PKD1: variants seen among roughly 807,000 people sequenced by gnomAD.
The protein encoded by PKD1 is polycystin 1, transient receptor potential channel interacting.
Under a neutral mutation model 361.7 loss-of-function variants are expected in PKD1, and 81 were observed. That is an observed-to-expected ratio of 0.22 (90% CI 0.19 to 0.27). The LOEUF is 0.27. Ranked by LOEUF, PKD1 falls within the 10% of genes least tolerant of loss-of-function variation. The pLI, the probability that PKD1 is intolerant of heterozygous loss-of-function variation, is 1.00. For missense variants in PKD1, 6,399 were observed against 6,118.3 expected (o/e 1.05, Z -1.53); for synonymous variants, 3,615 against 2,818.3 (o/e 1.28, Z -8.95).
intron 30 of PKD1, among the ~76,000 whole-genome samples, chr16:2,098,358 G>C (rs1474190829): frequency 6.6e-6 from 1 of 152,066 alleles, no homozygotes; most frequent in Non-Finnish European, 1.5e-5. Context: ...ACAGGTGCCT[G>C]CCACCATGCC....
Position 2,102,128 on chromosome 16 carries a change from A to G in PKD1, c.9330T>C (p.Pro3110=), listed in dbSNP as rs12926160. Reference sequence around the variant, plus strand: ...TGAAGCGGCCCCGCTGCCCACAGAAAGGGATGGCGCGGCCCCGGCTGGCAT... The same window carrying G: ...TGAAGCGGCCCCGCTGCCCACAGAAGGGGATGGCGCGGCCCCGGCTGGCAT... The part of the protein sequence containing the change: ...QLDASRGRAI[P]FCGQRGRFKY... Residue 3110 remains proline (P), a synonymous_variant, in exon 26 of 46, where the codon CCT becomes CCC. Transcript: ENST00000262304. 103,933 of 1,536,054 alleles carry G rather than the reference A, an allele frequency of 0.068. 13,168 individuals are homozygous for G. The highest frequency in any genetic ancestry group is 0.38 in the African/African-American group (24,677 of 64,734).
At chr16:2,122,969 A>T (rs1340770102) in intron 1 of PKD1, among the ~76,000 whole-genome samples, 1 of 152,114 alleles carries the variant, frequency 6.6e-6, no homozygotes, top group Non-Finnish European at 1.5e-5. Flanking sequence ...GCCACACCTC[A>T]TTTTCTGGAA....
chr16:2,107,597 T>G (rs938749216), intron 16 of PKD1: 5 of 521,456 alleles, frequency 9.6e-6, no homozygotes, highest in Non-Finnish European at 1.8e-5. Flanking sequence ...CTGGGGACAG[T>G]GGCTACCTCT....
rs773840606 is a variant in PKD1, at chr16:2,111,408, C to A, written c.3759G>T (p.Leu1253=). 28 of 1,611,792 alleles carry A rather than the reference C, an allele frequency of 1.7e-5. No individual in the cohort carries two copies. The South Asian group carries it at 2.6e-4, about 15-fold the overall frequency. The change falls in exon 15 of 46, where the codon CTG becomes CTT. Residue 1253 remains leucine (L), a synonymous_variant. Transcript: ENST00000262304. ...WTFDMGDGTV[L]SGPEATVEHV... ...GCTCCACTGTTGCCTCCGGGCCCGA[C>A]AGCACGGTGCCGTCCCCCATGTCGA... is the stretch of plus-strand genomic sequence containing the variant.
Position 2,090,681 on chromosome 16 carries a change from G to C in PKD1, c.12131C>G (p.Ala4044Gly). The C allele has an allele frequency of 6.2e-7, 1 of 1,612,118 alleles. No homozygotes were observed. The highest frequency in any genetic ancestry group is 8.5e-7 in the Non-Finnish European group (1 of 1,179,926). ...GGCCGCGCAGTCACCTACCAGGATG[G>C]CCAGCTGGGCGTAGGCTACCCCGAG... ...VVLGVAYAQL[A>G]ILLVSSCVDS... is the part of the protein sequence containing the mutation. The change falls in exon 44 of 46, where the codon GCC (alanine) becomes GGC (glycine). Residue 4044 changes from alanine (A) to glycine (G), a missense_variant. By Grantham distance (60) the Ala-to-Gly change is moderately conservative (BLOSUM62 0). Transcript: ENST00000262304.
In PKD1 at chr16:2,103,780, G is replaced by A. The variant is rs778272852; in HGVS notation, c.8277C>T (p.Leu2759=). 9 of 1,609,816 alleles carry A rather than the reference G, an allele frequency of 5.6e-6. No individual in the cohort carries two copies. The highest frequency in any genetic ancestry group is 4.5e-5 in the East Asian group (2 of 44,696). Residue 2759 remains leucine, a synonymous_variant, in exon 23 of 46, where the codon CTC becomes CTT. Coordinates refer to ENST00000262304, the MANE Select transcript of PKD1 (RefSeq NM_001009944.3). ...CGCGGGAGCGCATGAGGATGCGCAT[G>A]AGGGCAGAGGTCAGGTTGTAGGCCT... The part of the protein sequence containing the change: ...ASQAYNLTSA[L]MRILMRSRVL...
rs550355361 is a variant in PKD1 at position 2,089,506 on chromosome 16, T to G, written c.*221A>C. ...GAGGCTAGAAACCGTCCAATACTGC[T>G]GTGTCCTTCCCAAGGGAGCTGGGGA... is the stretch of plus-strand genomic sequence containing the variant. On this transcript the variant is annotated 3_prime_UTR_variant, in exon 46 of 46. Coordinates refer to ENST00000262304, the MANE Select transcript of PKD1 (RefSeq NM_001009944.3). 3 of 603,790 alleles carry G rather than the reference T, an allele frequency of 5.0e-6. No homozygotes were observed. In the African/African-American group the frequency reaches 5.5e-5, roughly 11 times the overall value. The allele number at this position is 603,790 out of a possible 1,614,324, so 37.4% of individuals were successfully genotyped here.
chr16:2,134,307 C>T (rs2092924048), intron 1 of PKD1, among the ~76,000 whole-genome samples: 1 of 119,882 alleles, frequency 8.3e-6, no homozygotes, highest in South Asian at 2.7e-4. Context: ...ACACGGCTCC[C>T]CTAAGGAAGG....
At position 2,106,687 on chromosome 16, in the gene PKD1, GA is replaced by G. The variant is rs2092348214; in HGVS notation, c.7210-11del. Reference sequence around the variant, plus strand: ...TACGTGCAGCCCACCGCTGCAGGCAGAAGGGGTGGTGAGGGGGCGCAACCCT... The same window carrying G: ...TACGTGCAGCCCACCGCTGCAGGCAGAGGGGTGGTGAGGGGGCGCAACCCT... On this transcript the variant is annotated splice_polypyrimidine_tract_variant and intron_variant, in intron 17 of 45. Coordinates refer to ENST00000262304, the MANE Select transcript of PKD1 (RefSeq NM_001009944.3). The surrounding 1 kb of genome is among the most constrained non-coding windows in gnomAD (Gnocchi z 6.5). The G allele has an allele frequency of 3.1e-6, 5 of 1,592,726 alleles. No homozygotes were observed. Among genetic ancestry groups the G allele is most frequent in the Non-Finnish European group, 3.4e-6 (4 of 1,176,912 alleles).
chr16:2,111,920 C>A (rs759821981), intron 14 of PKD1, 49 bp from the exon 15 acceptor site: 57 of 1,599,346 alleles, frequency 3.6e-5, no homozygotes, highest in Non-Finnish European at 4.7e-5. Context: ...CCACCTGCTC[C>A]CCACCCGCTC....
rs534695798 is a variant in PKD1 at position 2,109,837 on chromosome 16, T to G, written c.5330A>C (p.His1777Pro). 3.1e-6 allele frequency: 5 copies of G among 1,610,644 alleles called. No individual in the cohort carries two copies. Among genetic ancestry groups the G allele is most frequent in the Non-Finnish European group, 2.5e-6 (3 of 1,179,830 alleles). The stretch of plus-strand genomic sequence containing the variant: ...GTTCCCTGCCGTCATGGTGACCAAG[T>G]GCAGGCCGGGTGTGGGGAAGCTATG... ...TTHSFPTPGL[H>P]LVTMTAGNPL... is the part of the protein sequence containing the mutation. Residue 1777 changes from histidine (H) to proline (P), a missense_variant, in exon 15 of 46, where the codon CAC becomes CCC. Coordinates refer to ENST00000262304, the MANE Select transcript of PKD1 (RefSeq NM_001009944.3).
At position 2,108,408 on chromosome 16, in the gene PKD1, G is replaced by T. The variant is rs146131839; in HGVS notation, c.6759C>A (p.Pro2253=). 348 of 1,610,420 alleles carry T rather than the reference G, an allele frequency of 2.2e-4. 2 individuals are homozygous for T. The East Asian group carries it at 7.5e-3, about 35-fold the overall frequency. The change falls in exon 15 of 46, where the codon CCC becomes CCA. Residue 2253 remains proline, a synonymous_variant. Coordinates refer to ENST00000262304, the MANE Select transcript of PKD1 (RefSeq NM_001009944.3). ...QSIQANVTVA[P]ERLVPIIEGG... is the part of the protein sequence containing the mutation. ...CCTCAATGATGGGCACCAGGCGCTCGGGGGCCACCGTCACATTGGCCTGGA... is the reference window on the plus strand; with the variant it reads ...CCTCAATGATGGGCACCAGGCGCTCTGGGGCCACCGTCACATTGGCCTGGA...
chr16:2,093,808 C>A lies in PKD1; in HGVS notation c.10821+3G>T. On this transcript the variant is annotated splice_donor_region_variant and intron_variant, in intron 36 of 45. Coordinates refer to ENST00000262304, the MANE Select transcript of PKD1 (RefSeq NM_001009944.3). ...TGTAGCCTACCCCTGGCAGCCCCCTCACCTTCAGTGGCTCCCAGCCGAGGA... is the reference window on the plus strand; with the variant it reads ...TGTAGCCTACCCCTGGCAGCCCCCTAACCTTCAGTGGCTCCCAGCCGAGGA... The A allele has an allele frequency of 6.4e-7, 1 of 1,554,788 alleles. No homozygotes were observed. The highest frequency in any genetic ancestry group is 1.2e-5 in the South Asian group (1 of 85,664).
intron 16 of PKD1, 35 bp downstream of exon 16, chr16:2,107,848 C>G (rs568052047): frequency 1.3e-6 from 2 of 1,537,674 alleles, no homozygotes; most frequent in Non-Finnish European, 8.8e-7. Flanking sequence ...GCTGGGCTGT[C>G]CAAGGCAAGT....
Position 2,093,034 on chromosome 16 carries a change from G to A in PKD1, c.11076C>T (p.Ala3692=), listed in dbSNP as rs1371199692. The A allele has an allele frequency of 4.3e-6, 7 of 1,612,830 alleles. No individual in the cohort carries two copies. The highest frequency in any genetic ancestry group is 5.1e-6 in the Non-Finnish European group (6 of 1,179,996). The part of the protein sequence containing the change: ...LVTLLASYGD[A]SCHGHAYRLQ... ...GACGGTAGGCGTGCCCATGGCATGA[G>A]GCATCCCCATAGCTGGCCAGCAGGG... Residue 3692 remains alanine, a synonymous_variant, in exon 38 of 46, where the codon GCC becomes GCT. Coordinates refer to ENST00000262304, the MANE Select transcript of PKD1 (RefSeq NM_001009944.3).
rs963058629 is a variant in PKD1, at chr16:2,117,195, C to G, written c.1386-142G>C. The G allele has an allele frequency of 3.1e-5, 20 of 640,528 alleles. No homozygotes were observed. In the African/African-American group the frequency reaches 3.3e-4, roughly 11 times the overall value. The allele number at this position is 640,528 out of a possible 1,614,324, so 39.7% of individuals were successfully genotyped here. A position where few individuals can be genotyped will look rare whatever the true frequency, so the allele number is the denominator to read the frequency against. The stretch of plus-strand genomic sequence containing the variant: ...TCAGAGCCCGGAGACCAGGGCCCAC[C>G]AGCCCAGGCTCACAGCAGCACCCAC... On this transcript the variant is annotated intron_variant, in intron 6 of 45. Transcript: ENST00000262304.
chr16:2,094,438 C>T (rs955223978), intron 34 of PKD1, among the ~76,000 whole-genome samples: 3 of 152,182 alleles, frequency 2.0e-5, no homozygotes, highest in African/African-American at 4.8e-5. Flanking sequence ...GTCCCTCTCC[C>T]GCCCGCTTGC....
chr16:2,131,200 G>A (rs933827267), intron 1 of PKD1, among the ~76,000 whole-genome samples: 2 of 152,166 alleles, frequency 1.3e-5, no homozygotes, highest in African/African-American at 2.4e-5. Flanking sequence ...AAGAGAGGAA[G>A]GGAAGCTCCT....
chr16:2,111,339 C>T lies in PKD1; in HGVS notation c.3828G>A (p.Ala1276=), dbSNP rs760621352. The T allele has an allele frequency of 1.9e-5, 30 of 1,608,952 alleles. No homozygotes were observed. The highest frequency in any genetic ancestry group is 5.0e-5 in the Admixed American group (3 of 59,896). ...RAQNCTVTVG[A]ASPAGHLARS... is the part of the protein sequence containing the mutation. The stretch of plus-strand genomic sequence containing the variant: ...GGGCCAGGTGGCCGGCGGGGCTGGC[C>T]GCACCCACGGTCACTGTGCAGTTCT... The change falls in exon 15 of 46, where the codon GCG becomes GCA. Residue 1276 remains alanine, a synonymous_variant. Transcript: ENST00000262304.
Sources: allele counts gnomAD v4.1 joint callset (sites outside exome capture counted in the v4.1 genomes callset), GRCh38; gene constraint gnomAD v4.1.1; non-coding constraint Gnocchi (gnomAD v3.1); transcripts MANE v1.5; gene names NCBI Gene and HGNC (gene_info 2026-07-23, HGNC 2026-07-21).